Variants in GPBP1 observed in about 807,000 individuals in gnomAD.
GPBP1 encodes vasculin.
Under a neutral mutation model 56.5 loss-of-function variants are expected in GPBP1, and 13 were observed. The observed-to-expected ratio is 0.23, with a 90% CI of 0.15 to 0.37. GPBP1 has a LOEUF of 0.37. GPBP1 is among the 10% of genes least tolerant of loss of function. The pLI is 1.00. For missense variants in GPBP1, 477 were observed against 572.3 expected (o/e 0.83, Z 1.70); for synonymous variants, 204 against 188.9 (o/e 1.08, Z -0.66).
At chr5:57,227,130 G>A (rs570833053) in intron 3 of GPBP1, among the ~76,000 whole-genome samples, 34 of 152,034 alleles carry the variant, frequency 2.2e-4, no homozygotes, top group South Asian at 4.1e-4. Flanking sequence ...TTGGCTGACC[G>A]CAACCTCCAC....
At chr5:57,180,846 A>T (rs1754011971) in intron 2 of GPBP1, among the ~76,000 whole-genome samples, 1 of 151,922 alleles carries the variant, frequency 6.6e-6, no homozygotes. Context: ...GGTCCAAGCG[A>T]TTTTCCTGCC....
intron 2 of GPBP1, among the ~76,000 whole-genome samples, chr5:57,188,811 A>T (rs1229044819): frequency 6.6e-6 from 1 of 152,146 alleles, no homozygotes. Flanking sequence ...TTCTCATCTC[A>T]GTATGGCTCC....
Position 57,231,989 on chromosome 5 carries a change from T to G in GPBP1, c.411+668T>G, listed in dbSNP as rs78894445. ...AGATGCGATCATCCTTGGTTTATCT[T>G]ATTTTTTTCATGTTTGTGTGTGTGT... On this transcript the variant is annotated intron_variant, in intron 5 of 11. Transcript: ENST00000506184. 6.1e-4 allele frequency among the ~76,000 whole-genome samples: 93 copies of G among 152,314 alleles called. No individual in the cohort carries two copies. In the East Asian group the frequency reaches 0.017, roughly 28 times the overall value.
intron 2 of GPBP1, among the ~76,000 whole-genome samples, chr5:57,197,759 T>TC (rs751414517): frequency 4.1e-4 from 63 of 152,242 alleles, no homozygotes; most frequent in South Asian, 3.1e-3. Flanking sequence ...TCTGAAAAAT[T>TC]CATTTATCTT....
chr5:57,187,006 GT>G (rs1754318599), intron 2 of GPBP1, among the ~76,000 whole-genome samples: 3 of 29,630 alleles, frequency 1.0e-4, no homozygotes, highest in Admixed American at 1.0e-3. Context: ...TCAGAGAAGT[GT>G]GTGTGTGTGT....
chr5:57,258,125 ATATT>A (rs1262283188), intron 10 of GPBP1, among the ~76,000 whole-genome samples: 1 of 152,238 alleles, frequency 6.6e-6, no homozygotes, highest in Non-Finnish European at 1.5e-5. Context: ...GCCACCGAAA[ATATT>A]TATCAGAGGA....
chr5:57,183,732 T>C (rs182475904), intron 2 of GPBP1, among the ~76,000 whole-genome samples: 1 of 151,794 alleles, frequency 6.6e-6, no homozygotes, highest in East Asian at 1.9e-4. Flanking sequence ...CAAGAGTTGA[T>C]AGCTAATATT....
intron 2 of GPBP1, among the ~76,000 whole-genome samples, chr5:57,183,554 G>C (rs1372128599): frequency 1.3e-5 from 2 of 151,498 alleles, no homozygotes; most frequent in African/African-American, 4.9e-5. Context: ...GAGGTGGGAG[G>C]GTCACTTGAG....
chr5:57,216,240 C>T (rs1019950093), intron 3 of GPBP1, among the ~76,000 whole-genome samples: 2 of 152,140 alleles, frequency 1.3e-5, no homozygotes, highest in African/African-American at 4.8e-5. Flanking sequence ...GAAATGTTGG[C>T]AGTCTGCCTC....
chr5:57,247,062 T>A lies in GPBP1; in HGVS notation c.664-13T>A, dbSNP rs781420887. 6.3e-7 allele frequency: 1 copy of A among 1,599,418 alleles called. No individual in the cohort carries two copies. Among genetic ancestry groups the A allele is most frequent in the Non-Finnish European group, 8.5e-7 (1 of 1,175,256 alleles). On this transcript the variant is annotated splice_polypyrimidine_tract_variant and intron_variant, in intron 7 of 11. Coordinates refer to ENST00000506184, the MANE Select transcript of GPBP1 (RefSeq NM_022913.4). ...TTTTTGATAGCCATTAATGTTTGTG[T>A]GTTTTTCTTTAGCCTACACAATGGA... is the stretch of plus-strand genomic sequence containing the variant.
chr5:57,252,229 T>TTGCACCACCA (rs919956516), intron 10 of GPBP1, among the ~76,000 whole-genome samples: 4 of 149,380 alleles, frequency 2.7e-5, no homozygotes, highest in African/African-American at 9.8e-5. Context: ...GATTACAGGC[T>TTGCACCACCA]TGCACCACCA....
intron 10 of GPBP1, among the ~76,000 whole-genome samples, chr5:57,255,265 C>T (rs572933941): frequency 2.6e-5 from 4 of 152,264 alleles, no homozygotes; most frequent in African/African-American, 7.2e-5. Context: ...CTTTCCTCTT[C>T]CCCCTCTTAT....
chr5:57,251,163 T>C, intron 10 of GPBP1, 22 bp downstream of exon 10: 1 of 1,551,076 alleles, frequency 6.4e-7, no homozygotes, highest in Non-Finnish European at 8.7e-7. Flanking sequence ...TTTGTACTTT[T>C]TGCTCAGCAT....
chr5:57,229,646 T>C (rs967155457), intron 3 of GPBP1, among the ~76,000 whole-genome samples: 1 of 152,070 alleles, frequency 6.6e-6, no homozygotes, highest in Admixed American at 6.6e-5. Flanking sequence ...GCAATTCTCC[T>C]GTCTCAGCCT....
rs976516273 is a variant in GPBP1, at chr5:57,264,359, T to C, written c.*1607T>C. On this transcript the variant is annotated 3_prime_UTR_variant, in exon 12 of 12. Coordinates refer to ENST00000506184, the MANE Select transcript of GPBP1 (RefSeq NM_022913.4). ...CTTTGACGAAGCTATCGGTAACACA[T>C]ATTGAATGTCTTTGAGACTCTTAGA... 2 of 152,070 alleles carry C rather than the reference T, an allele frequency of 1.3e-5. No homozygotes were observed. Among genetic ancestry groups the C allele is most frequent in the Non-Finnish European group, 2.9e-5 (2 of 67,928 alleles). The allele number at this position is 152,070 out of a possible 1,614,324, so 9.4% of individuals were successfully genotyped here. A position where few individuals can be genotyped will look rare whatever the true frequency, so the allele number is the denominator to read the frequency against.
chr5:57,190,694 C>CTTTTTTT lies in GPBP1; in HGVS notation c.-58+14316_-58+14322dup, dbSNP rs773540051. Among the ~76,000 whole-genome samples the CTTTTTTT allele has an allele frequency of 2.3e-4, 16 of 68,872 alleles. 3 individuals are homozygous for CTTTTTTT. Among genetic ancestry groups the CTTTTTTT allele is most frequent in the South Asian group, 9.3e-4 (2 of 2,140 alleles). 45.2% of individuals were successfully genotyped at this position (68,872 alleles called of 152,430 possible). The stretch of plus-strand genomic sequence containing the variant: ...AGACTGGCTTTGGATTTGCTGTTAG[C>CTTTTTTT]TTTTTTTTTTTTTTTTTTTTTTTTT... On this transcript the variant is annotated intron_variant, in intron 2 of 11. Transcript: ENST00000506184.
At chr5:57,212,368 T>C (rs547741550) in intron 2 of GPBP1, among the ~76,000 whole-genome samples, 22 of 152,350 alleles carry the variant, frequency 1.4e-4, no homozygotes, top group Admixed American at 7.2e-4. Context: ...TTCAGACACC[T>C]TAGTTTTCAT....
chr5:57,204,275 A>G (rs1287421827), intron 2 of GPBP1, among the ~76,000 whole-genome samples: 1 of 151,476 alleles, frequency 6.6e-6, no homozygotes, highest in Non-Finnish European at 1.5e-5. Flanking sequence ...TTTTTTGGTC[A>G]GTCTGGCTCT....
chr5:57,218,897 T>C (rs1000599542), intron 3 of GPBP1, among the ~76,000 whole-genome samples: 19 of 152,204 alleles, frequency 1.2e-4, no homozygotes, highest in African/African-American at 4.6e-4. Flanking sequence ...ATTTTAGGGT[T>C]TGAAGATGGA....
Sources: allele counts gnomAD v4.1 joint callset (sites outside exome capture counted in the v4.1 genomes callset), GRCh38; gene constraint gnomAD v4.1.1; transcripts MANE v1.5; gene names NCBI Gene and HGNC (gene_info 2026-07-23, HGNC 2026-07-21).